Variants in NECTIN1 observed in about 807,000 individuals in gnomAD.
NECTIN1 encodes the protein nectin cell adhesion molecule 1, also known as nectin-1.
In NECTIN1, 23 loss-of-function variants were observed where a neutral mutation model predicts 48.0. The observed-to-expected ratio is 0.48, with a 90% CI of 0.34 to 0.68. The LOEUF (loss-of-function observed/expected upper bound fraction) is 0.68. NECTIN1 is among the 30% of genes least tolerant of loss of function. NECTIN1 has a pLI of 0.01. For synonymous variants in NECTIN1, 270 were observed against 288.9 expected (o/e 0.93, Z 0.66); for missense variants, 591 against 709.9 (o/e 0.83, Z 1.90).
intron 1 of NECTIN1, among the ~76,000 whole-genome samples, chr11:119,721,156 C>T (rs1297872115): frequency 6.6e-6 from 1 of 152,200 alleles, no homozygotes; most frequent in African/African-American, 2.4e-5. Context: ...TCCCCAAGGG[C>T]CTTCCTCCAT....
intron 1 of NECTIN1, among the ~76,000 whole-genome samples, chr11:119,690,995 G>C (rs534635736): frequency 2.0e-4 from 30 of 151,978 alleles, no homozygotes; most frequent in African/African-American, 6.3e-4. Flanking sequence ...ATGGCCTTTT[G>C]TTCAACTAGT....
rs1037670661 is a variant in NECTIN1, at chr11:119,673,997, C to T, written c.1003+1162G>A. Among the ~76,000 whole-genome samples, 1 of 152,216 alleles carries T rather than the reference C, an allele frequency of 6.6e-6. No individual in the cohort carries two copies. The highest frequency in any genetic ancestry group is 2.4e-5 in the African/African-American group (1 of 41,448). On this transcript the variant is annotated intron_variant, in intron 5 of 5. Coordinates refer to ENST00000264025, the MANE Select transcript of NECTIN1 (RefSeq NM_002855.5). The surrounding 1 kb of genome is among the most constrained non-coding windows in gnomAD (Gnocchi z 5.8). ...GGGTGAGAGACGTGACAGAACGGCT[C>T]TGAGGACAGGTAGGCGCAGACCCTG...
In NECTIN1 at chr11:119,709,658, C is replaced by G. The variant is rs1176314125; in HGVS notation, c.79+18817G>C. 6.6e-6 allele frequency among the ~76,000 whole-genome samples: 1 copy of G among 151,404 alleles called. No homozygotes were observed. The highest frequency in any genetic ancestry group is 1.5e-5 in the Non-Finnish European group (1 of 67,850). On this transcript the variant is annotated intron_variant, in intron 1 of 5. Transcript: ENST00000264025. The surrounding 1 kb of genome is among the most constrained non-coding windows in gnomAD (Gnocchi z 4.1). ...GAAAGGAGCCTGGGAAAGACTGGGGCTGGGGGCTGGGGGCTGGGAGAGGAG... is the reference window on the plus strand; with the variant it reads ...GAAAGGAGCCTGGGAAAGACTGGGGGTGGGGGCTGGGGGCTGGGAGAGGAG...
chr11:119,678,840 G>T lies in NECTIN1; in HGVS notation c.80-75C>A. The T allele has an allele frequency of 1.0e-6, 1 of 1,003,228 alleles. No individual in the cohort carries two copies. Among genetic ancestry groups the T allele is most frequent in the Non-Finnish European group, 1.5e-6 (1 of 648,380 alleles). 62.1% of individuals were successfully genotyped at this position (1,003,228 alleles called of 1,614,324 possible). ...CCACCCACACAGTTCCCTGTGCTCT[G>T]GCCTTGTCTTTTATAGCAGTCATTA... is the stretch of plus-strand genomic sequence containing the variant. On this transcript the variant is annotated intron_variant, in intron 1 of 5. Coordinates refer to ENST00000264025, the MANE Select transcript of NECTIN1 (RefSeq NM_002855.5). The surrounding 1 kb of genome is among the most constrained non-coding windows in gnomAD (Gnocchi z 4.4).
In NECTIN1 at chr11:119,716,177, G is replaced by A. The variant is rs1158343157; in HGVS notation, c.79+12298C>T. 3.3e-5 allele frequency among the ~76,000 whole-genome samples: 5 copies of A among 152,300 alleles called. No homozygotes were observed. The East Asian group carries it at 9.7e-4, about 29-fold the overall frequency. ...CGGATCTCCAGTAGCCCAGGGGCCT[G>A]AGACTAAGACATACTCTGCTTGCAT... On this transcript the variant is annotated intron_variant, in intron 1 of 5. Transcript: ENST00000264025.
chr11:119,640,786 C>T (rs143281892), intron 5 of NECTIN1: 1 of 152,290 alleles, frequency 6.6e-6, no homozygotes, highest in Non-Finnish European at 1.5e-5. Flanking sequence ...CCTTCCAGTT[C>T]CTCCTTCTGC....
chr11:119,722,217 G>GC (rs1321981870), intron 1 of NECTIN1, among the ~76,000 whole-genome samples: 1 of 152,232 alleles, frequency 6.6e-6, no homozygotes, highest in Non-Finnish European at 1.5e-5. Flanking sequence ...CAACACTAAT[G>GC]CCATTCACAT....
intron 1 of NECTIN1, among the ~76,000 whole-genome samples, chr11:119,725,190 C>A (rs531316970): frequency 1.0e-3 from 152 of 152,328 alleles, no homozygotes; most frequent in African/African-American, 3.3e-3. Flanking sequence ...CTTGCTCAGT[C>A]ATCAGCACTA....
intron 4 of NECTIN1, among the ~76,000 whole-genome samples, chr11:119,676,090 G>A (rs1272553173): frequency 6.6e-6 from 1 of 152,100 alleles, no homozygotes; most frequent in Admixed American, 6.5e-5. Context: ...CAAAGACCTG[G>A]GAATCTGTAT....
At chr11:119,680,258 A>G (rs1591460791) in intron 1 of NECTIN1, among the ~76,000 whole-genome samples, 1 of 151,182 alleles carries the variant, frequency 6.6e-6, no homozygotes, top group African/African-American at 2.4e-5. Context: ...TAGGCTGTAC[A>G]CTCCAGCTCT....
rs541555437 is a variant in NECTIN1, at chr11:119,664,595, G to T, written c.*152C>A. 1.5e-3 allele frequency: 2,182 copies of T among 1,440,830 alleles called. 1 individual carries two copies. The highest frequency in any genetic ancestry group is 1.9e-3 in the Non-Finnish European group (2,049 of 1,097,582). 89.3% of individuals were successfully genotyped at this position (1,440,830 alleles called of 1,614,324 possible). On this transcript the variant is annotated 3_prime_UTR_variant, in exon 6 of 6. Coordinates refer to ENST00000264025, the MANE Select transcript of NECTIN1 (RefSeq NM_002855.5). ...ACAAAGCCAAGTCGTGGCTGCCCTG[G>T]GCTCCCCTGGCCCCCCAGGAGTTCG...
In NECTIN1 at chr11:119,664,451, A is replaced by G. The variant is rs769907939; in HGVS notation, c.*296T>C. 9.5e-4 allele frequency: 1,147 copies of G among 1,208,616 alleles called. No individual in the cohort carries two copies. The highest frequency in any genetic ancestry group is 1.1e-3 in the Non-Finnish European group (1,080 of 968,006). The allele number at this position is 1,208,616 out of a possible 1,614,324, so 74.9% of individuals were successfully genotyped here. A position where few individuals can be genotyped will look rare whatever the true frequency, so the allele number is the denominator to read the frequency against. ...ATGCCCAGGTACACAAGACGAGAACAGGGCTCCCTACACAGAGGGCAGGCA... is the reference window on the plus strand; with the variant it reads ...ATGCCCAGGTACACAAGACGAGAACGGGGCTCCCTACACAGAGGGCAGGCA... On this transcript the variant is annotated 3_prime_UTR_variant, in exon 6 of 6. Transcript: ENST00000264025.
At chr11:119,658,214 T>A (rs1353388972), downstream of NECTIN1, among the ~76,000 whole-genome samples, 1 of 151,966 alleles carries the variant, frequency 6.6e-6, no homozygotes, top group Non-Finnish European at 1.5e-5. Flanking sequence ...TCCTGGAGTG[T>A]GTATGTGCTG....
intron 5 of NECTIN1, among the ~76,000 whole-genome samples, chr11:119,668,083 A>C (rs982484607): frequency 3.3e-5 from 5 of 152,178 alleles, no homozygotes; most frequent in Admixed American, 3.3e-4. Context: ...ACAGTCTCAC[A>C]TAACTGATAT....
intron 4 of NECTIN1, among the ~76,000 whole-genome samples, chr11:119,675,870 G>A (rs940659924): frequency 3.3e-5 from 5 of 152,190 alleles, no homozygotes; most frequent in African/African-American, 4.8e-5. Flanking sequence ...GCTGGGTGTG[G>A]TGGTGCACGC....
rs1009546569 is a variant in NECTIN1 at position 119,673,968 on chromosome 11, C to T, written c.1003+1191G>A. Among the ~76,000 whole-genome samples the T allele has an allele frequency of 6.6e-6, 1 of 152,214 alleles. No individual in the cohort carries two copies. Among genetic ancestry groups the T allele is most frequent in the Non-Finnish European group, 1.5e-5 (1 of 68,042 alleles). On this transcript the variant is annotated intron_variant, in intron 5 of 5. Transcript: ENST00000264025. This position sits in a 1 kb window ranked among gnomAD's most constrained non-coding sequence, Gnocchi z 5.8. ...ACAGCAGGTGGCTCCACACTCCCGC[C>T]CCTGGGTGAGAGACGTGACAGAACG...
chr11:119,658,097 C>T (rs575825397), downstream of NECTIN1, among the ~76,000 whole-genome samples: 19 of 152,238 alleles, frequency 1.2e-4, no homozygotes, highest in East Asian at 1.2e-3. Flanking sequence ...TGATGCCCTG[C>T]GGCTGGTTCT....
chr11:119,664,742 G>C lies in NECTIN1; in HGVS notation c.*5C>G, dbSNP rs142987437. Reference sequence around the variant, plus strand: ...CGGTCACAGACAGAGGCTCTGGAAGGGGGGCTACACGTACCACTCCTTCTT... The same window carrying C: ...CGGTCACAGACAGAGGCTCTGGAAGCGGGGCTACACGTACCACTCCTTCTT... On this transcript the variant is annotated 3_prime_UTR_variant, in exon 6 of 6. Transcript: ENST00000264025. 2.8e-3 allele frequency: 4,548 copies of C among 1,606,298 alleles called. 86 individuals are homozygous for C. In the East Asian group the frequency reaches 0.054, roughly 19 times the overall value.
intron 1 of NECTIN1, among the ~76,000 whole-genome samples, chr11:119,696,715 G>A (rs1178545978): frequency 2.0e-5 from 3 of 152,158 alleles, no homozygotes; most frequent in African/African-American, 7.2e-5. Flanking sequence ...GTTCCCCAGG[G>A]TGGGAATTGC....
Sources: allele counts gnomAD v4.1 joint callset (sites outside exome capture counted in the v4.1 genomes callset), GRCh38; gene constraint gnomAD v4.1.1; non-coding constraint Gnocchi (gnomAD v3.1); transcripts MANE v1.5; gene names NCBI Gene and HGNC (gene_info 2026-07-23, HGNC 2026-07-21).